SEC16A: variants seen among roughly 807,000 people sequenced by gnomAD.
SEC16A encodes SEC16 homolog A, endoplasmic reticulum export factor.
A neutral mutation model predicts 221.9 loss-of-function variants in SEC16A; 110 were observed. The observed-to-expected ratio is 0.50, with a 90% CI of 0.42 to 0.58. The LOEUF (loss-of-function observed/expected upper bound fraction) is 0.58, where lower values mean the gene tolerates loss of function less well. SEC16A is among the 20% of genes least tolerant of loss of function. The pLI, the probability that SEC16A is intolerant of heterozygous loss-of-function variation, is 0.00. For synonymous variants in SEC16A, 1,393 were observed against 1,257.7 expected (o/e 1.11, Z -2.28); for missense variants, 3,165 against 3,097.8 (o/e 1.02, Z -0.52).
intron 20 of SEC16A, among the ~76,000 whole-genome samples, chr9:136,454,940 C>T (rs1054345949): frequency 2.6e-5 from 4 of 152,166 alleles, no homozygotes; most frequent in East Asian, 1.9e-4. Flanking sequence ...TGGTCCACAG[C>T]GTGGGAGTGG....
chr9:136,483,071 G>C, upstream of SEC16A: 1 of 966,734 alleles, frequency 1.0e-6, no homozygotes, highest in Non-Finnish European at 1.2e-6. Flanking sequence ...CCGCGCCGCC[G>C]ACGTGTCCGG....
In SEC16A at chr9:136,460,006, T is replaced by G. The variant is rs988587552; in HGVS notation, c.5073+36A>C. On this transcript the variant is annotated intron_variant, in intron 14 of 31. Coordinates refer to ENST00000684901, the MANE Select transcript of SEC16A (RefSeq NM_014866.2). ...CCACGAGCAAACTCCACACAGGCAG[T>G]GGAGCCTGTGCAAGCCACCAGGCAG... 3.2e-6 allele frequency: 5 copies of G among 1,559,624 alleles called. No individual in the cohort carries two copies. The African/African-American group carries it at 4.1e-5, about 13-fold the overall frequency.
intron 4 of SEC16A, among the ~76,000 whole-genome samples, chr9:136,468,912 T>C (rs1047610429): frequency 6.6e-6 from 1 of 152,156 alleles, no homozygotes; most frequent in African/African-American, 2.4e-5. Flanking sequence ...TGCAGTGACA[T>C]GATCTCAGCT....
chr9:136,453,048 C>T (rs1396952127), intron 22 of SEC16A, among the ~76,000 whole-genome samples: 6 of 133,574 alleles, frequency 4.5e-5, no homozygotes, highest in Admixed American at 9.1e-5. Context: ...CAAGCCTGGG[C>T]GACAGAGCAA....
rs2131656192 is a variant in SEC16A, at chr9:136,441,509, T to C, written c.*246A>G. 1 of 558,368 alleles carries C rather than the reference T, an allele frequency of 1.8e-6. No homozygotes were observed. Among genetic ancestry groups the C allele is most frequent in the East Asian group, 2.9e-5 (1 of 33,992 alleles). 34.6% of individuals were successfully genotyped at this position (558,368 alleles called of 1,614,324 possible). On this transcript the variant is annotated 3_prime_UTR_variant, in exon 32 of 32. Transcript: ENST00000684901. ...TAAATGACTAAGAAAGTCACATCAT[T>C]CTTTTCGGCAAACAATTCTGAGTCA...
intron 12 of SEC16A, among the ~76,000 whole-genome samples, chr9:136,461,652 G>C (rs1204112260): frequency 6.6e-6 from 1 of 152,222 alleles, no homozygotes; most frequent in Non-Finnish European, 1.5e-5. Context: ...TGTCAACACG[G>C]AGAGTGACTC....
Position 136,475,804 on chromosome 9 carries a change from C to T in SEC16A, c.1812G>A (p.Gln604=). 2 of 1,585,298 alleles carry T rather than the reference C, an allele frequency of 1.3e-6. No individual in the cohort carries two copies. Among genetic ancestry groups the T allele is most frequent in the Non-Finnish European group, 1.7e-6 (2 of 1,165,464 alleles). Residue 604 remains glutamine (Q), a synonymous_variant, in exon 3 of 32, where the codon CAG becomes CAA. Transcript: ENST00000684901. This position sits in a 1 kb window ranked among gnomAD's most constrained non-coding sequence, Gnocchi z 5.0. ...PSPPKPTGIF[Q]TSANSSFEPV... Reference sequence around the variant, plus strand: ...GTTCGAAAGAACTATTTGCACTTGTCTGAAATATTCCTGTAGGTTTCGGGG... The same window carrying T: ...GTTCGAAAGAACTATTTGCACTTGTTTGAAATATTCCTGTAGGTTTCGGGG...
In SEC16A at chr9:136,464,553, C is replaced by T; in HGVS notation, c.4313G>A (p.Arg1438Lys). The T allele has an allele frequency of 6.3e-7, 1 of 1,598,266 alleles. No individual in the cohort carries two copies. The change falls in exon 9 of 32, where the codon AGA (arginine) becomes AAA (lysine). Residue 1438 changes from arginine to lysine, a missense_variant. Around this residue, in one of 3 missense-constraint regions of SEC16A, gnomAD observed 2,030 missense variants for 1,923.1 expected, o/e 1.06. Transcript: ENST00000684901. ...TGAAAATTTTTCAGGAGAAGTTGGT[C>T]TTGATGAAACTGCATTTAAAATAAA... ...VWPAMEQVSS[R>K]PTSPEKFSVP...
At position 136,451,393 on chromosome 9, in the gene SEC16A, C is replaced by G. The variant is rs751237063; in HGVS notation, c.6175G>C (p.Val2059Leu). ...KFANLTPSRT[V>L]PDSEAPPGWD... ...CCTGGGGGGGCCTCCGAGTCTGGCACCGTCCTCGAGGGGGTCTGTCGCAAG... is the reference window on the plus strand; with the variant it reads ...CCTGGGGGGGCCTCCGAGTCTGGCAGCGTCCTCGAGGGGGTCTGTCGCAAG... Residue 2059 changes from valine to leucine, a missense_variant, in exon 23 of 32, where the codon GTG (valine) becomes CTG (leucine). Physicochemically the swap from Val to Leu is conservative, Grantham distance 32 (BLOSUM62 1). Transcript: ENST00000684901. 5 of 1,608,776 alleles carry G rather than the reference C, an allele frequency of 3.1e-6. No individual in the cohort carries two copies. The South Asian group carries it at 5.5e-5, about 18-fold the overall frequency.
At chr9:136,457,668 C>T (rs1001872944) in intron 17 of SEC16A, 84 bp from the exon 18 acceptor site, 11 of 1,483,720 alleles carry the variant, frequency 7.4e-6, no homozygotes, top group African/African-American at 2.8e-5. Context: ...TGCCCTGAGG[C>T]TCCCCTGCAT....
At chr9:136,483,128 C>A (rs1304555559), upstream of SEC16A, 15 of 597,660 alleles carry the variant, frequency 2.5e-5, no homozygotes, top group African/African-American at 2.9e-4. Context: ...CCCCTCGGCT[C>A]GTCGGCCCAG....
At chr9:136,445,793 T>C (rs1836893029) in intron 28 of SEC16A, 74 bp from the exon 29 acceptor site, 2 of 1,310,960 alleles carry the variant, frequency 1.5e-6, no homozygotes, top group African/African-American at 1.5e-5. Context: ...CCAAAAAATA[T>C]GAAACTGTTC....
intron 18 of SEC16A, among the ~76,000 whole-genome samples, chr9:136,457,170 G>A (rs1236095024): frequency 5.9e-5 from 9 of 152,204 alleles, no homozygotes; most frequent in East Asian, 1.9e-4. Flanking sequence ...GTGAGACTGC[G>A]TCTCAATAAA....
chr9:136,441,553 C>T lies in SEC16A; in HGVS notation c.*202G>A, dbSNP rs956754835. Reference sequence around the variant, plus strand: ...TGAGTCAAAGATTCAGTCTTTCCATCCAGAATCTGAAAGGATGGTGGAATT... The same window carrying T: ...TGAGTCAAAGATTCAGTCTTTCCATTCAGAATCTGAAAGGATGGTGGAATT... On this transcript the variant is annotated 3_prime_UTR_variant, in exon 32 of 32. Coordinates refer to ENST00000684901, the MANE Select transcript of SEC16A (RefSeq NM_014866.2). 5.2e-6 allele frequency: 3 copies of T among 578,752 alleles called. No homozygotes were observed. In the Admixed American group the frequency reaches 8.8e-5, roughly 17 times the overall value. 35.9% of individuals were successfully genotyped at this position (578,752 alleles called of 1,614,324 possible).
In SEC16A at chr9:136,463,139, G is replaced by C; in HGVS notation, c.4648-7C>G. 1 of 1,607,756 alleles carries C rather than the reference G, an allele frequency of 6.2e-7. No individual in the cohort carries two copies. Among genetic ancestry groups the C allele is most frequent in the Non-Finnish European group, 8.5e-7 (1 of 1,179,750 alleles). Reference sequence around the variant, plus strand: ...TGTCGGTCCCTACCACGGTCTGTTTGGGTCAACAGGAACAGGAAGGAGAAC... The same window carrying C: ...TGTCGGTCCCTACCACGGTCTGTTTCGGTCAACAGGAACAGGAAGGAGAAC... On this transcript the variant is annotated splice_polypyrimidine_tract_variant and splice_region_variant and intron_variant, in intron 11 of 31. Transcript: ENST00000684901.
In SEC16A at chr9:136,455,646, G is replaced by A; in HGVS notation, c.5812C>T (p.Pro1938Ser). The A allele has an allele frequency of 6.3e-7, 1 of 1,589,714 alleles. No individual in the cohort carries two copies. The highest frequency in any genetic ancestry group is 8.6e-7 in the Non-Finnish European group (1 of 1,169,466). The change falls in exon 20 of 32, where the codon CCG becomes TCG. Residue 1938 changes from proline (P) to serine (S), a missense_variant. Physicochemically the swap from Pro to Ser is moderately conservative, Grantham distance 74. This residue lies in a region of SEC16A where 1,088 missense variants were observed against 1,089.6 expected (regional missense o/e 1.00). Coordinates refer to ENST00000684901, the MANE Select transcript of SEC16A (RefSeq NM_014866.2). ...CTCGGGCTCGAGTGCTCAGGGCTCG[G>A]TGCAGGCACCGCCAGCAGAGGGTTG... ...IANPLLAVPA[P>S]SPEHSSPSVR...
chr9:136,462,861 C>T, intron 12 of SEC16A, 26 bp downstream of exon 12: 1 of 1,595,400 alleles, frequency 6.3e-7, no homozygotes, highest in South Asian at 1.1e-5. Flanking sequence ...TGTGCAGGCG[C>T]CAGGTGCCAT....
chr9:136,483,237 C>CCGCCCCCTCTGCCA (rs1842648250), upstream of SEC16A, among the ~76,000 whole-genome samples: 1 of 139,542 alleles, frequency 7.2e-6, no homozygotes, highest in Non-Finnish European at 1.6e-5. Flanking sequence ...CCCCTCTGCC[C>CCGCCCCCTCTGCCA]CCGCCCCTCG....
rs969711642 is a variant in SEC16A at position 136,461,989 on chromosome 9, T to G, written c.4894-715A>C. Among the ~76,000 whole-genome samples, 5 of 150,520 alleles carry G rather than the reference T, an allele frequency of 3.3e-5. No homozygotes were observed. In the East Asian group the frequency reaches 9.7e-4, roughly 29 times the overall value. On this transcript the variant is annotated intron_variant, in intron 12 of 31. Coordinates refer to ENST00000684901, the MANE Select transcript of SEC16A (RefSeq NM_014866.2). ...CAGGCGTGGTGGCATGCAGCTGTAG[T>G]CCCAGCTACTCAGGAGGCTGAGATG...
Sources: allele counts gnomAD v4.1 joint callset (sites outside exome capture counted in the v4.1 genomes callset), GRCh38; gene constraint gnomAD v4.1.1; regional missense constraint gnomAD v4.1.1; non-coding constraint Gnocchi (gnomAD v3.1); transcripts MANE v1.5; gene names NCBI Gene and HGNC (gene_info 2026-07-23, HGNC 2026-07-21).